The following PKIB variants were observed in gnomAD, a reference collection of about 807,000 sequenced individuals.
PKIB encodes the protein cAMP-dependent protein kinase inhibitor beta, also known as PKI-beta.
In PKIB, 2 loss-of-function variants were observed where a neutral mutation model predicts 4.5. The ratio of observed to expected loss-of-function variants is 0.44; its 90% confidence interval spans 0.18 to 1.39. The LOEUF is 1.39. PKIB is among the 40% of genes most tolerant of loss of function. PKIB has a pLI of 0.27. For missense variants in PKIB, 94 were observed against 92.6 expected, an observed-to-expected ratio of 1.02 and a Z score of -0.06; for synonymous variants, 38 against 36.0, an observed-to-expected ratio of 1.06 and a Z score of -0.20.
At chr6:122,543,902 A>C (rs538466000) in intron 2 of PKIB, among the ~76,000 whole-genome samples, 50 of 152,202 alleles carry the variant, frequency 3.3e-4, no homozygotes, top group African/African-American at 1.2e-3. Flanking sequence ...AATATCTGTT[A>C]CAGGCCTCTG....
intron 2 of PKIB, among the ~76,000 whole-genome samples, chr6:122,528,011 A>G (rs890445596): frequency 3.3e-5 from 5 of 152,064 alleles, no homozygotes; most frequent in African/African-American, 4.8e-5. Flanking sequence ...TCTCACTCCA[A>G]TTGTGTCAAA....
At chr6:122,638,485 G>C (rs1388000729) in intron 2 of PKIB, among the ~76,000 whole-genome samples, 1 of 152,152 alleles carries the variant, frequency 6.6e-6, no homozygotes. Context: ...GTTCACTGCT[G>C]TTCCTCCAGA....
intron 2 of PKIB, among the ~76,000 whole-genome samples, chr6:122,652,355 A>G (rs1776596137): frequency 6.6e-6 from 1 of 150,696 alleles, no homozygotes; most frequent in Non-Finnish European, 1.5e-5. Context: ...GATTTATTGA[A>G]AAGAATTGAT....
At chr6:122,658,243 T>G (rs1158621764) in intron 2 of PKIB, among the ~76,000 whole-genome samples, 2 of 152,196 alleles carry the variant, frequency 1.3e-5, no homozygotes, top group Non-Finnish European at 2.9e-5. Context: ...AAGTCATGTA[T>G]ATTATTCCTT....
At chr6:122,687,672 GAT>G (rs533167060) in intron 3 of PKIB, among the ~76,000 whole-genome samples, 16 of 152,068 alleles carry the variant, frequency 1.1e-4, no homozygotes, top group African/African-American at 3.9e-4. Context: ...TTATTGTAGA[GAT>G]ATTTCACTTC....
rs182773432 is a variant in PKIB at position 122,513,722 on chromosome 6, G to A, written c.-248+35783G>A. On this transcript the variant is annotated intron_variant, in intron 2 of 6. Coordinates refer to the PKIB transcript ENST00000392491. Reference sequence around the variant, plus strand: ...TTAGCTTCCAATTACAAGTGAGATCGTGCAATATTTGGTTTTCTGTTCTTG... The same window carrying A: ...TTAGCTTCCAATTACAAGTGAGATCATGCAATATTTGGTTTTCTGTTCTTG... Among the ~76,000 whole-genome samples, 310 of 152,182 alleles carry A rather than the reference G, an allele frequency of 2.0e-3. 1 individual carries two copies. The highest frequency in any genetic ancestry group is 4.3e-3 in the African/African-American group (178 of 41,516).
intron 2 of PKIB, among the ~76,000 whole-genome samples, chr6:122,565,353 A>G (rs1773156435): frequency 6.6e-6 from 1 of 152,074 alleles, no homozygotes; most frequent in South Asian, 2.1e-4. Flanking sequence ...TTTCCTTTGC[A>G]CTAACTTTTT....
chr6:122,662,017 G>A (rs1216933421), intron 2 of PKIB, among the ~76,000 whole-genome samples: 1 of 151,992 alleles, frequency 6.6e-6, no homozygotes, highest in Non-Finnish European at 1.5e-5. Context: ...GTCTATTCAT[G>A]TTCACTGGCC....
chr6:122,648,033 A>G (rs1275159491), intron 2 of PKIB, among the ~76,000 whole-genome samples: 2 of 152,192 alleles, frequency 1.3e-5, no homozygotes, highest in East Asian at 1.9e-4. Flanking sequence ...CCTTACCTCC[A>G]CTGCGTGGTA....
At chr6:122,552,751 A>G (rs766279189) in intron 2 of PKIB, among the ~76,000 whole-genome samples, 2 of 152,024 alleles carry the variant, frequency 1.3e-5, no homozygotes, top group Admixed American at 6.6e-5. Flanking sequence ...TGCACCCTAG[A>G]TGGTGTTTTT....
At chr6:122,649,117 C>G (rs1311008320) in intron 2 of PKIB, among the ~76,000 whole-genome samples, 1 of 152,184 alleles carries the variant, frequency 6.6e-6, no homozygotes, top group African/African-American at 2.4e-5. Flanking sequence ...ATGTTATGTT[C>G]TATGTCCATT....
intron 2 of PKIB, among the ~76,000 whole-genome samples, chr6:122,671,895 A>G (rs556539881): frequency 9.2e-5 from 14 of 152,314 alleles, no homozygotes; most frequent in African/African-American, 3.1e-4. Flanking sequence ...GTTAGAAAAT[A>G]TATATTTGGA....
At chr6:122,547,569 C>G (rs181138374) in intron 2 of PKIB, among the ~76,000 whole-genome samples, 1 of 151,118 alleles carries the variant, frequency 6.6e-6, no homozygotes, top group East Asian at 1.9e-4. Context: ...AACTCCTGAC[C>G]TCAGGTGATC....
intron 3 of PKIB, among the ~76,000 whole-genome samples, chr6:122,690,926 A>T (rs1039887336): frequency 0.087 from 3,315 of 38,296 alleles, 123 homozygotes; most frequent in African/African-American, 0.16. Flanking sequence ...ATATATATAT[A>T]TATATATTTT....
chr6:122,493,432 C>T (rs949753977), intron 2 of PKIB: 2 of 152,202 alleles, frequency 1.3e-5, no homozygotes, highest in African/African-American at 4.8e-5. Flanking sequence ...TTATAAGATA[C>T]ACAATTTATG....
chr6:122,475,970 T>G (rs554953498), intron 1 of PKIB, among the ~76,000 whole-genome samples: 3 of 152,320 alleles, frequency 2.0e-5, no homozygotes, highest in Non-Finnish European at 4.4e-5. Context: ...TAAACTTTAT[T>G]TTTTATCCTA....
chr6:122,672,457 C>G (rs927471531), intron 2 of PKIB, among the ~76,000 whole-genome samples: 6 of 152,170 alleles, frequency 3.9e-5, no homozygotes, highest in African/African-American at 1.4e-4. Flanking sequence ...ATACTTTGAT[C>G]TGTTCCCTTT....
chr6:122,657,337 T>G (rs1776812199), intron 2 of PKIB, among the ~76,000 whole-genome samples: 1 of 152,202 alleles, frequency 6.6e-6, no homozygotes, highest in African/African-American at 2.4e-5. Flanking sequence ...CCAAAATGCT[T>G]GGAAATGTGC....
chr6:122,653,889 C>T (rs1050727049), intron 2 of PKIB, among the ~76,000 whole-genome samples: 1 of 152,048 alleles, frequency 6.6e-6, no homozygotes, highest in Admixed American at 6.5e-5. Flanking sequence ...ACCTGAGAGG[C>T]GGAGGTTGCA....
Sources: allele counts gnomAD v4.1 joint callset (sites outside exome capture counted in the v4.1 genomes callset), GRCh38; gene constraint gnomAD v4.1.1; transcripts MANE v1.5; gene names NCBI Gene and HGNC (gene_info 2026-07-23, HGNC 2026-07-21).